The following TMEM225B variants were observed in gnomAD, a reference collection of about 807,000 sequenced individuals.
TMEM225B encodes transmembrane protein 225-like.
Under a neutral mutation model 16.9 loss-of-function variants are expected in TMEM225B, and 10 were observed. The ratio of observed to expected loss-of-function variants is 0.59; its 90% confidence interval spans 0.36 to 1.00. TMEM225B has a LOEUF of 1.00. TMEM225B is among the 50% of genes least tolerant of loss of function. The pLI, the probability that TMEM225B is intolerant of heterozygous loss-of-function variation, is 0.01. For synonymous variants in TMEM225B, 92 were observed against 109.8 expected (o/e 0.84, Z 1.01); for missense variants, 217 against 267.0 (o/e 0.81, Z 1.30).
chr7:99,599,156 T>C lies in TMEM225B; in HGVS notation c.-85+775T>C, dbSNP rs1372336264. On this transcript the variant is annotated intron_variant, in intron 1 of 5. Coordinates refer to ENST00000431679, the MANE Select transcript of TMEM225B (RefSeq NM_001195541.3). The stretch of plus-strand genomic sequence containing the variant: ...TTTTTTTTTTTTTTTTTTGTATTTT[T>C]AGTAGAGACGGGGTTTCACCGTGTT... Among the ~76,000 whole-genome samples, 9 of 149,956 alleles carry C rather than the reference T, an allele frequency of 6.0e-5. No homozygotes were observed. In the East Asian group the frequency reaches 1.8e-3, roughly 29 times the overall value.
At chr7:99,607,377 G>A (rs145925667) in intron 4 of TMEM225B, among the ~76,000 whole-genome samples, 8 of 152,294 alleles carry the variant, frequency 5.3e-5, no homozygotes, top group Admixed American at 1.3e-4. Flanking sequence ...GTAGGAAAAT[G>A]GGATTGCATT....
chr7:99,607,162 A>AT (rs367577804), intron 4 of TMEM225B, among the ~76,000 whole-genome samples: 3,392 of 144,786 alleles, frequency 0.023, 107 homozygotes, highest in African/African-American at 0.076. Context: ...TAATTTAAAC[A>AT]TTTTTTTTTT....
In TMEM225B at chr7:99,607,805, T is replaced by C; in HGVS notation, c.488T>C (p.Val163Ala). 6.5e-7 allele frequency: 1 copy of C among 1,536,032 alleles called. No individual in the cohort carries two copies. Among genetic ancestry groups the C allele is most frequent in the Non-Finnish European group, 8.7e-7 (1 of 1,146,830 alleles). ...GGCTTCGGCATCTTTCTGTTCATAGTGGCTGGTGAGTGTCCAGGGAACAGT... is the reference window on the plus strand; with the variant it reads ...GGCTTCGGCATCTTTCTGTTCATAGCGGCTGGTGAGTGTCCAGGGAACAGT... ...VLGFGIFLFI[V>A]AGTICLIQEM... Residue 163 changes from valine (V) to alanine (A), a missense_variant, in exon 5 of 6, where the codon GTG (valine) becomes GCG (alanine). Physicochemically the swap from Val to Ala is moderately conservative, Grantham distance 64. Transcript: ENST00000431679.
chr7:99,610,411 A>G lies in TMEM225B; in HGVS notation c.512A>G (p.Gln171Arg). The change falls in exon 6 of 6, where the codon CAA becomes CGA. Residue 171 changes from glutamine to arginine, a missense_variant. Physicochemically the swap from Gln to Arg is conservative, Grantham distance 43 (BLOSUM62 1). Coordinates refer to ENST00000431679, the MANE Select transcript of TMEM225B (RefSeq NM_001195541.3). ...FIVAGTICLI[Q>R]EMVCPCWHLL... ...TCCCTAGGTACCATCTGCCTCATTC[A>G]AGAAATGGTTTGCCCTTGCTGGCAC... The G allele has an allele frequency of 6.5e-7, 1 of 1,535,784 alleles. No individual in the cohort carries two copies. The highest frequency in any genetic ancestry group is 8.7e-7 in the Non-Finnish European group (1 of 1,146,878).
At chr7:99,608,783 A>G (rs568873386) in intron 5 of TMEM225B, among the ~76,000 whole-genome samples, 94 of 149,806 alleles carry the variant, frequency 6.3e-4, no homozygotes, top group Non-Finnish European at 9.8e-4. Flanking sequence ...ATATGCACAT[A>G]TATATGTATG....
intron 3 of TMEM225B, among the ~76,000 whole-genome samples, 181 bp from the exon 4 acceptor site, chr7:99,606,567 T>C (rs1452193387): frequency 1.3e-5 from 2 of 152,166 alleles, no homozygotes; most frequent in Non-Finnish European, 2.9e-5. Context: ...GGGAATCAAA[T>C]TGTGGGGCCA....
intron 2 of TMEM225B, among the ~76,000 whole-genome samples, chr7:99,603,537 C>CA (rs1805529051): frequency 6.6e-6 from 1 of 151,888 alleles, no homozygotes; most frequent in East Asian, 1.9e-4. Flanking sequence ...ACTAAAAATA[C>CA]AAAAATTAGC....
chr7:99,607,936 C>T (rs1045657494), intron 5 of TMEM225B, 126 bp downstream of exon 5: 8 of 1,022,380 alleles, frequency 7.8e-6, no homozygotes, highest in East Asian at 5.7e-5. Flanking sequence ...GCCAGTTAGA[C>T]GTGGCTATTT....
chr7:99,609,478 A>T (rs1193444196), intron 5 of TMEM225B, among the ~76,000 whole-genome samples: 1 of 151,516 alleles, frequency 6.6e-6, no homozygotes, highest in East Asian at 2.0e-4. Context: ...TTGCTCTGTC[A>T]CCCAGGCTGG....
At chr7:99,600,118 T>G (rs530590028) in intron 1 of TMEM225B, 87 bp from the exon 2 acceptor site, 5 of 688,114 alleles carry the variant, frequency 7.3e-6, no homozygotes, top group Non-Finnish European at 1.3e-5. Flanking sequence ...GGTAGTGCCC[T>G]GGGGTATACC....
In TMEM225B at chr7:99,611,038, T is replaced by TA. The variant is rs763011017; in HGVS notation, c.*477dup. 4.6e-5 allele frequency among the ~76,000 whole-genome samples: 7 copies of TA among 151,970 alleles called. No individual in the cohort carries two copies. The highest frequency in any genetic ancestry group is 1.0e-4 in the Non-Finnish European group (7 of 67,980). On this transcript the variant is annotated 3_prime_UTR_variant, in exon 6 of 6. Transcript: ENST00000431679. ...AAAGGCAGATTTATTAAAGGAAGTATAAAAGTACATTGCCGGGCTGGGCGT... is the reference window on the plus strand; with the variant it reads ...AAAGGCAGATTTATTAAAGGAAGTATAAAAAGTACATTGCCGGGCTGGGCGT...
In TMEM225B at chr7:99,604,460, C is replaced by T; in HGVS notation, c.72C>T (p.Gly24=). The part of the protein sequence containing the change: ...WAIVPALTSL[G]YLIILVVSIF... ...TAGTCCCAGCCTTAACCTCCCTAGG[C>T]TACCTGATTATACTGGTGGTCTCCA... The change falls in exon 3 of 6, where the codon GGC becomes GGT. Residue 24 remains glycine (G), a synonymous_variant. Coordinates refer to ENST00000431679, the MANE Select transcript of TMEM225B (RefSeq NM_001195541.3). 1 of 1,536,064 alleles carries T rather than the reference C, an allele frequency of 6.5e-7. No homozygotes were observed.
chr7:99,601,040 A>C (rs1439585024), intron 2 of TMEM225B, among the ~76,000 whole-genome samples: 1 of 152,220 alleles, frequency 6.6e-6, no homozygotes, highest in Non-Finnish European at 1.5e-5. Context: ...ACTTCTAGTC[A>C]CATACAGGTG....
intron 2 of TMEM225B, among the ~76,000 whole-genome samples, chr7:99,601,401 G>A (rs1356528480): frequency 6.6e-6 from 1 of 152,138 alleles, no homozygotes; most frequent in South Asian, 2.1e-4. Context: ...AAGACACCCT[G>A]GGCAACATAG....
chr7:99,608,768 T>C (rs1360521122), intron 5 of TMEM225B, among the ~76,000 whole-genome samples: 3 of 148,618 alleles, frequency 2.0e-5, no homozygotes, highest in African/African-American at 5.0e-5. Context: ...CACACACATA[T>C]TTATATATGC....
Sources: allele counts gnomAD v4.1 joint callset (sites outside exome capture counted in the v4.1 genomes callset), GRCh38; gene constraint gnomAD v4.1.1; transcripts MANE v1.5; gene names NCBI Gene and HGNC (gene_info 2026-07-23, HGNC 2026-07-21).